The following ATXN2 variants were observed in gnomAD, a reference collection of about 807,000 sequenced individuals.
The protein encoded by ATXN2 is ataxin-2.
ATXN2 carries 37 observed loss-of-function variants against 138.6 expected under a neutral mutation model. The ratio of observed to expected loss-of-function variants is 0.27; its 90% CI spans 0.21 to 0.35. The LOEUF (loss-of-function observed/expected upper bound fraction) is 0.35. Ranked by LOEUF, ATXN2 falls within the 10% of genes least tolerant of loss-of-function variation. The pLI is 1.00. For missense variants in ATXN2, 1,216 were observed against 1,480.3 expected (o/e 0.82, Z 2.93); for synonymous variants, 549 against 543.7 (o/e 1.01, Z -0.13).
intron 14 of ATXN2, among the ~76,000 whole-genome samples, chr12:111,489,478 T>C (rs987174373): frequency 1.3e-5 from 2 of 151,954 alleles, no homozygotes; most frequent in Admixed American, 6.6e-5. Flanking sequence ...CCAGGCATGG[T>C]GGCAGGCGCC....
intron 1 of ATXN2, among the ~76,000 whole-genome samples, chr12:111,559,149 T>TC (rs1282534028): frequency 1.3e-5 from 2 of 151,376 alleles, no homozygotes; most frequent in Non-Finnish European, 2.9e-5. Flanking sequence ...TTTTTTTTTT[T>TC]CTGAGACAGA....
intron 5 of ATXN2, among the ~76,000 whole-genome samples, chr12:111,550,717 A>G (rs1289716117): frequency 6.6e-6 from 1 of 152,218 alleles, no homozygotes; most frequent in Non-Finnish European, 1.5e-5. Context: ...GACATTTGAG[A>G]AGATTCAAAA....
At chr12:111,508,156 TAA>T (rs780339849) in intron 14 of ATXN2, among the ~76,000 whole-genome samples, 15 of 134,598 alleles carry the variant, frequency 1.1e-4, no homozygotes, top group Non-Finnish European at 1.1e-4. Context: ...AATGATCAAT[TAA>T]AAAAAAAAAA....
At chr12:111,558,086 CG>C (rs1882483181) in intron 1 of ATXN2, among the ~76,000 whole-genome samples, 1 of 152,018 alleles carries the variant, frequency 6.6e-6, no homozygotes, top group Non-Finnish European at 1.5e-5. Flanking sequence ...CTCAAAAGAA[CG>C]AATCATTCAA....
intron 5 of ATXN2, among the ~76,000 whole-genome samples, chr12:111,537,763 AATTG>A (rs1426144298): frequency 4.6e-5 from 7 of 152,020 alleles, no homozygotes; most frequent in African/African-American, 1.7e-4. Flanking sequence ...TGAAAATGTA[AATTG>A]ATTGTAGTGA....
chr12:111,454,457 AGGAGTT>A (rs1874909583), intron 23 of ATXN2: 1 of 153,782 alleles, frequency 6.5e-6, no homozygotes, highest in African/African-American at 2.4e-5. Context: ...GAGGAGGAGG[AGGAGTT>A]GGAGTTTTTA....
chr12:111,520,948 A>C lies in ATXN2; in HGVS notation c.722T>G (p.Met241Arg). 6.3e-7 allele frequency: 1 copy of C among 1,595,108 alleles called. No individual in the cohort carries two copies. The highest frequency in any genetic ancestry group is 8.6e-7 in the Non-Finnish European group (1 of 1,166,982). ...DVSNGWDPND[M>R]FRYNEENYGV... Reference sequence around the variant, plus strand: ...ATAATTTTCTTCATTATATCGAAACATATCATTGGGATCCCATCCATTAGA... The same window carrying C: ...ATAATTTTCTTCATTATATCGAAACCTATCATTGGGATCCCATCCATTAGA... The change falls in exon 7 of 25, where the codon ATG (methionine) becomes AGG (arginine). Residue 241 changes from methionine to arginine, a missense_variant. Physicochemically the swap from Met to Arg is moderately conservative, Grantham distance 91. Transcript: ENST00000673436.
chr12:111,568,127 G>A (rs548987312), intron 1 of ATXN2, among the ~76,000 whole-genome samples: 1 of 152,158 alleles, frequency 6.6e-6, no homozygotes, highest in East Asian at 1.9e-4. Context: ...CGGGCGTGGT[G>A]GCACATGCCT....
chr12:111,581,276 A>C, intron 1 of ATXN2: 5 of 446,958 alleles, frequency 1.1e-5, no homozygotes, highest in Non-Finnish European at 1.7e-5. Flanking sequence ...AATGAGTACT[A>C]AAAAACCACC....
intron 5 of ATXN2, among the ~76,000 whole-genome samples, chr12:111,533,535 G>T (rs553484075): frequency 2.0e-5 from 3 of 150,446 alleles, no homozygotes; most frequent in South Asian, 2.1e-4. Flanking sequence ...TTTTCAGACA[G>T]TTTTTTTTCT....
At chr12:111,547,582 G>A (rs547070690) in intron 5 of ATXN2, among the ~76,000 whole-genome samples, 5 of 151,724 alleles carry the variant, frequency 3.3e-5, no homozygotes, top group South Asian at 4.1e-4. Context: ...AAAGTTAGCC[G>A]GGCATGGTGG....
chr12:111,583,493 C>T (rs543924500), intron 1 of ATXN2, among the ~76,000 whole-genome samples: 1 of 151,906 alleles, frequency 6.6e-6, no homozygotes, highest in Non-Finnish European at 1.5e-5. Flanking sequence ...TGGCCAGGCA[C>T]GGTAGATCAT....
rs1400141896 is a variant in ATXN2, at chr12:111,533,535, G to GT, written c.572-8220dup. ...TAATTTTTTTTTTTCTTTTCAGACA[G>GT]TTTTTTTTCTTTTCTTCTCACACTC... On this transcript the variant is annotated intron_variant, in intron 5 of 24. Transcript: ENST00000673436. Among the ~76,000 whole-genome samples, 131 of 150,444 alleles carry GT rather than the reference G, an allele frequency of 8.7e-4. No homozygotes were observed. The Middle Eastern group carries it at 0.038, about 43-fold the overall frequency.
chr12:111,467,782 A>G (rs1370846785), intron 20 of ATXN2, among the ~76,000 whole-genome samples: 1 of 152,200 alleles, frequency 6.6e-6, no homozygotes, highest in Non-Finnish European at 1.5e-5. Context: ...GACATGTTCT[A>G]GGAAGTAGTT....
In ATXN2 at chr12:111,485,279, T is replaced by C. The variant is rs750803688; in HGVS notation, c.2510A>G (p.Tyr837Cys). The C allele has an allele frequency of 3.7e-6, 6 of 1,612,614 alleles. No homozygotes were observed. The South Asian group carries it at 6.6e-5, about 18-fold the overall frequency. Residue 837 changes from tyrosine to cysteine, a missense_variant, in exon 18 of 25, where the codon TAT (tyrosine) becomes TGT (cysteine). Coordinates refer to ENST00000673436, the MANE Select transcript of ATXN2 (RefSeq NM_001372574.1). ...TPMPVNQAKT[Y>C]RAGKVPNMPQ... ...ATTATTCTCACCTTTACCTGCTCTA[T>C]ATGTCTTGGCTTGATTCACTGGCAT...
At chr12:111,454,948 T>G in intron 23 of ATXN2, 1 of 675,566 alleles carries the variant, frequency 1.5e-6, no homozygotes, top group South Asian at 1.5e-5. Context: ...CTCCCCACTA[T>G]CAAAAAGCAA....
intron 14 of ATXN2, among the ~76,000 whole-genome samples, chr12:111,507,528 G>T (rs1160252631): frequency 6.6e-6 from 1 of 150,946 alleles, no homozygotes; most frequent in Non-Finnish European, 1.5e-5. Context: ...CGCCCCATCC[G>T]GGAGGGAGGT....
Position 111,598,484 on chromosome 12 carries a change from AC to A in ATXN2, c.251+299del. On this transcript the variant is annotated intron_variant, in intron 1 of 24. Transcript: ENST00000673436. This position sits in a 1 kb window ranked among gnomAD's most constrained non-coding sequence, Gnocchi z 4.5. Reference sequence around the variant, plus strand: ...GGAGCCGGGGCTGACCATCGCCGCTACCCGAGAACCCCTCCCAACACGCGTG... The same window carrying A: ...GGAGCCGGGGCTGACCATCGCCGCTACCGAGAACCCCTCCCAACACGCGTG... 1.0e-6 allele frequency: 1 copy of A among 984,660 alleles called. No homozygotes were observed. The highest frequency in any genetic ancestry group is 1.2e-6 in the Non-Finnish European group (1 of 829,718). The allele number at this position is 984,660 out of a possible 1,614,324, so 61.0% of individuals were successfully genotyped here.
At chr12:111,566,448 G>GAA (rs112642968) in intron 1 of ATXN2, among the ~76,000 whole-genome samples, 82 of 130,162 alleles carry the variant, frequency 6.3e-4, no homozygotes, top group Middle Eastern at 3.8e-3. Flanking sequence ...CAAAAAAAAA[G>GAA]AAAAAAAAAA....
Sources: gnomAD v4.1 joint callset for allele counts (sites outside exome capture counted in the v4.1 genomes callset) on GRCh38, gnomAD v4.1.1 for gene constraint, Gnocchi (gnomAD v3.1) non-coding constraint, MANE v1.5 for transcripts, NCBI Gene and HGNC (gene_info 2026-07-23, HGNC 2026-07-21) for gene names.